The following RPS6KA2 variants were observed in gnomAD, a reference collection of about 807,000 sequenced individuals.
RPS6KA2 encodes ribosomal protein S6 kinase alpha-2.
Under a neutral mutation model 91.8 loss-of-function variants are expected in RPS6KA2, and 42 were observed. That is an observed-to-expected ratio of 0.46 (90% confidence interval 0.36 to 0.59). The LOEUF is 0.59. RPS6KA2 is among the 20% of genes least tolerant of loss of function. The pLI is 0.00. For missense variants in RPS6KA2, 798 were observed against 978.5 expected (o/e 0.82, Z 2.46); for synonymous variants, 414 against 393.6 (o/e 1.05, Z -0.61).
chr6:166,752,589 G>A (rs558774238), intron 2 of RPS6KA2, among the ~76,000 whole-genome samples: 79 of 152,204 alleles, frequency 5.2e-4, no homozygotes, highest in Non-Finnish European at 8.7e-4. Flanking sequence ...GATGATTAAG[G>A]TTATTATAGA....
chr6:166,497,718 G>A (rs2128476741), intron 8 of RPS6KA2, among the ~76,000 whole-genome samples: 1 of 152,304 alleles, frequency 6.6e-6, no homozygotes, highest in East Asian at 1.9e-4. Flanking sequence ...GGGAGGAGAG[G>A]CGGTCAAAAC....
chr6:166,597,781 G>A (rs766878169), intron 1 of RPS6KA2, among the ~76,000 whole-genome samples: 18 of 152,042 alleles, frequency 1.2e-4, no homozygotes, highest in Non-Finnish European at 2.5e-4. Context: ...AATGGGTGAC[G>A]GCATCATCGA....
intron 2 of RPS6KA2, among the ~76,000 whole-genome samples, chr6:166,679,463 CAAT>C (rs532173335): frequency 6.6e-6 from 1 of 151,548 alleles, no homozygotes; most frequent in Non-Finnish European, 1.5e-5. Flanking sequence ...GACTCCATCT[CAAT>C]AATAATAATA....
chr6:166,597,334 G>A (rs575868605), intron 1 of RPS6KA2, among the ~76,000 whole-genome samples: 1 of 152,348 alleles, frequency 6.6e-6, no homozygotes, highest in East Asian at 1.9e-4. Flanking sequence ...CTCTGAGGAG[G>A]TGGCAGTCAC....
At position 166,437,414 on chromosome 6, in the gene RPS6KA2, A is replaced by G. The variant is rs992010478; in HGVS notation, c.1333-4924T>C. Among the ~76,000 whole-genome samples the G allele has an allele frequency of 5.9e-5, 9 of 152,222 alleles. No individual in the cohort carries two copies. In the East Asian group the frequency reaches 7.7e-4, roughly 13 times the overall value. On this transcript the variant is annotated intron_variant, in intron 14 of 20. Transcript: ENST00000265678. The surrounding 1 kb of genome is among the most constrained non-coding windows in gnomAD (Gnocchi z 4.3). Reference sequence around the variant, plus strand: ...TGGTGATGAACAAGGCCTCCCCTCCAGGCTGACGCTCAAATAATGCTGACG... The same window carrying G: ...TGGTGATGAACAAGGCCTCCCCTCCGGGCTGACGCTCAAATAATGCTGACG...
intron 2 of RPS6KA2, among the ~76,000 whole-genome samples, chr6:166,693,205 G>A (rs2128571980): frequency 6.6e-6 from 1 of 152,348 alleles, no homozygotes; most frequent in South Asian, 2.1e-4. Context: ...TGGCACCGCA[G>A]CTCGCAGGAG....
intron 2 of RPS6KA2, among the ~76,000 whole-genome samples, chr6:166,669,756 G>A (rs1039148705): frequency 1.4e-4 from 21 of 152,162 alleles, no homozygotes; most frequent in Non-Finnish European, 2.4e-4. Context: ...CTTCATCCCA[G>A]TGGGTGAAAG....
At chr6:166,679,037 T>A (rs1788702151) in intron 2 of RPS6KA2, among the ~76,000 whole-genome samples, 1 of 152,244 alleles carries the variant, frequency 6.6e-6, no homozygotes, top group Non-Finnish European at 1.5e-5. Context: ...TAGTTCACGT[T>A]ACAAAACCTG....
intron 11 of RPS6KA2, among the ~76,000 whole-genome samples, chr6:166,469,613 C>T (rs769211785): frequency 3.3e-5 from 5 of 152,150 alleles, no homozygotes; most frequent in African/African-American, 7.2e-5. Flanking sequence ...GCTGAGGGGA[C>T]TTCAGGCCTC....
At chr6:166,757,228 C>A (rs1222047656) in intron 2 of RPS6KA2, among the ~76,000 whole-genome samples, 1 of 152,150 alleles carries the variant, frequency 6.6e-6, no homozygotes, top group Non-Finnish European at 1.5e-5. Context: ...AGAAAAATTA[C>A]GGACACCCTT....
chr6:166,754,234 G>C (rs1187233043), intron 2 of RPS6KA2, among the ~76,000 whole-genome samples: 1 of 152,226 alleles, frequency 6.6e-6, no homozygotes, highest in Non-Finnish European at 1.5e-5. Flanking sequence ...TTAAAACTTA[G>C]GCTCTATTAT....
chr6:166,671,622 G>C (rs766196423), intron 2 of RPS6KA2, among the ~76,000 whole-genome samples: 3 of 152,336 alleles, frequency 2.0e-5, no homozygotes, highest in Non-Finnish European at 4.4e-5. Flanking sequence ...TCAGCAATCT[G>C]ACAGCGAGCT....
intron 2 of RPS6KA2, among the ~76,000 whole-genome samples, chr6:166,637,858 G>C (rs898128579): frequency 6.6e-5 from 10 of 152,252 alleles, no homozygotes; most frequent in African/African-American, 2.2e-4. Context: ...GCAGGGGACA[G>C]AGCCCACTCC....
intron 2 of RPS6KA2, among the ~76,000 whole-genome samples, chr6:166,823,473 G>A (rs1347012884): frequency 6.9e-6 from 1 of 144,804 alleles, no homozygotes; most frequent in Non-Finnish European, 1.5e-5. Flanking sequence ...GTGTGTGTGT[G>A]TAAAGGGTGA....
intron 1 of RPS6KA2, among the ~76,000 whole-genome samples, chr6:166,555,163 T>C (rs1353676230): frequency 6.6e-6 from 1 of 152,130 alleles, no homozygotes; most frequent in Admixed American, 6.5e-5. Flanking sequence ...CAAGTCACGG[T>C]TATTTGTGCA....
intron 2 of RPS6KA2, among the ~76,000 whole-genome samples, chr6:166,819,033 C>T (rs1779838639): frequency 6.6e-6 from 1 of 152,072 alleles, no homozygotes; most frequent in Non-Finnish European, 1.5e-5. Flanking sequence ...GCCTTTGAAA[C>T]CCTTTCAGTG....
chr6:166,688,979 A>G (rs1380555330), intron 2 of RPS6KA2, among the ~76,000 whole-genome samples: 1 of 152,262 alleles, frequency 6.6e-6, no homozygotes, highest in East Asian at 1.9e-4. Flanking sequence ...GTGGAAAGAA[A>G]TCCACCCTTG....
At chr6:166,803,572 G>C (rs1779421470) in intron 2 of RPS6KA2, among the ~76,000 whole-genome samples, 1 of 152,224 alleles carries the variant, frequency 6.6e-6, no homozygotes, top group Non-Finnish European at 1.5e-5. Flanking sequence ...GGCAGCGAGA[G>C]TTAAACTACT....
intron 2 of RPS6KA2, among the ~76,000 whole-genome samples, chr6:166,805,383 T>C (rs184726964): frequency 7.5e-4 from 114 of 152,328 alleles, no homozygotes; most frequent in African/African-American, 2.7e-3. Context: ...CTGTCCTTCC[T>C]GCTGAAGTGA....
Sources: gnomAD v4.1 joint callset for allele counts (sites outside exome capture counted in the v4.1 genomes callset) on GRCh38, gnomAD v4.1.1 for gene constraint, Gnocchi (gnomAD v3.1) non-coding constraint, MANE v1.5 for transcripts, NCBI Gene and HGNC (gene_info 2026-07-23, HGNC 2026-07-21) for gene names.